The following SBF2 variants were observed in gnomAD, a reference collection of about 807,000 sequenced individuals.
The protein encoded by SBF2 is myotubularin-related protein 13.
In SBF2, 112 loss-of-function variants were observed where a neutral mutation model predicts 225.2. The ratio of observed to expected loss-of-function variants is 0.50; its 90% CI spans 0.43 to 0.58. The LOEUF is 0.58. Among genes scored for constraint, SBF2 ranks in the 20% least tolerant of loss-of-function variants. The pLI is 0.00. For synonymous variants in SBF2, 763 were observed against 773.3 expected, an observed-to-expected ratio of 0.99 and a Z score of 0.22; for missense variants, 1,996 against 2,206.2, an observed-to-expected ratio of 0.90 and a Z score of 1.91.
At chr11:9,975,609 A>G (rs2134412405) in intron 13 of SBF2, among the ~76,000 whole-genome samples, 1 of 152,358 alleles carries the variant, frequency 6.6e-6, no homozygotes, top group Non-Finnish European at 1.5e-5. Context: ...ATTAAAAAGT[A>G]TACATTTTAC....
intron 1 of SBF2, among the ~76,000 whole-genome samples, chr11:10,286,948 T>C (rs374899417): frequency 6.6e-6 from 1 of 152,294 alleles, no homozygotes; most frequent in Admixed American, 6.5e-5. Flanking sequence ...CATTCAAAGA[T>C]CTGTATGCAA....
At chr11:9,898,442 G>A (rs1336266199) in intron 16 of SBF2, among the ~76,000 whole-genome samples, 7 of 152,090 alleles carry the variant, frequency 4.6e-5, no homozygotes, top group Non-Finnish European at 8.8e-5. Flanking sequence ...AGGCAGAGGC[G>A]GGTGGATCAC....
At chr11:10,097,993 C>T (rs183208889) in intron 2 of SBF2, among the ~76,000 whole-genome samples, 43 of 152,168 alleles carry the variant, frequency 2.8e-4, no homozygotes, top group African/African-American at 8.4e-4. Context: ...GGGCACAGAA[C>T]GCAACAAAGC....
intron 1 of SBF2, among the ~76,000 whole-genome samples, chr11:10,279,859 C>T (rs763606000): frequency 6.6e-6 from 1 of 152,102 alleles, no homozygotes; most frequent in African/African-American, 2.4e-5. Context: ...CCATGTTTGT[C>T]AGGCTGGTCT....
chr11:10,196,857 T>C (rs1957378957), intron 1 of SBF2, among the ~76,000 whole-genome samples: 1 of 33,050 alleles, frequency 3.0e-5, no homozygotes, highest in Non-Finnish European at 1.0e-4. Context: ...TATATATATA[T>C]ATATATATAT....
chr11:9,789,636 A>G (rs2133859535), intron 34 of SBF2, among the ~76,000 whole-genome samples: 1 of 152,302 alleles, frequency 6.6e-6, no homozygotes, highest in South Asian at 2.1e-4. Flanking sequence ...GTAGCACTGG[A>G]GGAGCTGGCC....
At chr11:9,920,509 C>T (rs1276865233) in intron 16 of SBF2, among the ~76,000 whole-genome samples, 2 of 152,268 alleles carry the variant, frequency 1.3e-5, no homozygotes, top group African/African-American at 4.8e-5. Context: ...CCTAGTCTGT[C>T]TTTCAGAACA....
intron 1 of SBF2, among the ~76,000 whole-genome samples, chr11:10,194,452 A>T (rs1181944955): frequency 5.9e-5 from 9 of 152,184 alleles, no homozygotes; most frequent in Admixed American, 4.6e-4. Flanking sequence ...AGGGTTCTGG[A>T]ACAAATCCCC....
chr11:10,238,271 T>C (rs1959158776), intron 1 of SBF2, among the ~76,000 whole-genome samples: 1 of 151,728 alleles, frequency 6.6e-6, no homozygotes, highest in Non-Finnish European at 1.5e-5. Flanking sequence ...CAGCTGGGTG[T>C]GGTGGCGCAC....
At chr11:9,927,115 G>A (rs1864115738) in intron 16 of SBF2, among the ~76,000 whole-genome samples, 1 of 152,130 alleles carries the variant, frequency 6.6e-6, no homozygotes, top group African/African-American at 2.4e-5. Context: ...GGATTAACAT[G>A]TTATATCTAT....
intron 3 of SBF2, among the ~76,000 whole-genome samples, chr11:10,032,145 A>G (rs796430976): frequency 2.0e-5 from 3 of 152,336 alleles, no homozygotes; most frequent in African/African-American, 7.2e-5. Context: ...TATATATTTT[A>G]CCACAATAAA....
At chr11:9,955,259 T>A (rs565294594) in intron 16 of SBF2, among the ~76,000 whole-genome samples, 1 of 152,196 alleles carries the variant, frequency 6.6e-6, no homozygotes, top group East Asian at 1.9e-4. Flanking sequence ...CTTATCAGGA[T>A]AATCGTAACA....
chr11:9,943,646 C>G (rs193130476), intron 16 of SBF2, among the ~76,000 whole-genome samples: 1 of 152,044 alleles, frequency 6.6e-6, no homozygotes, highest in Non-Finnish European at 1.5e-5. Context: ...TATTAGTCAT[C>G]AGGGAAATGC....
intron 4 of SBF2, among the ~76,000 whole-genome samples, chr11:10,030,435 AG>A (rs1949212089): frequency 2.0e-5 from 3 of 152,288 alleles, no homozygotes; most frequent in Admixed American, 2.0e-4. Flanking sequence ...ATTTGCTTGG[AG>A]TTACGCATTG....
At chr11:9,787,152 C>G (rs1488356145) in intron 36 of SBF2, among the ~76,000 whole-genome samples, 1 of 152,194 alleles carries the variant, frequency 6.6e-6, no homozygotes, top group African/African-American at 2.4e-5. Context: ...CCTCGGCCTC[C>G]CAAAGTGCTG....
Position 10,108,587 on chromosome 11 carries a change from C to A in SBF2, c.142-65606G>T, listed in dbSNP as rs978825402. ...TCGCCCAGGCTGGAGTGCAGTGGCG[C>A]GATCTCGGCTCACTGCAAGCTCCGC... On this transcript the variant is annotated intron_variant, in intron 2 of 39. Transcript: ENST00000256190. 5.9e-5 allele frequency among the ~76,000 whole-genome samples: 8 copies of A among 136,306 alleles called. No homozygotes were observed. In the Admixed American group the frequency reaches 6.0e-4, roughly 10 times the overall value. The allele number at this position is 136,306 out of a possible 152,430, so 89.4% of individuals were successfully genotyped here.
chr11:10,228,850 T>C (rs1459724361), intron 1 of SBF2, among the ~76,000 whole-genome samples: 6 of 152,132 alleles, frequency 3.9e-5, no homozygotes, highest in African/African-American at 1.2e-4. Context: ...TTAGGGAGGA[T>C]TCCCTCTTTT....
At chr11:9,853,752 A>C in intron 19 of SBF2, 40 bp from the exon 20 acceptor site, 1 of 1,565,866 alleles carries the variant, frequency 6.4e-7, no homozygotes, top group Non-Finnish European at 8.8e-7. Context: ...CAGTACTTAA[A>C]TGCAACAAAT....
At chr11:9,909,551 T>A (rs1343419843) in intron 16 of SBF2, among the ~76,000 whole-genome samples, 1 of 151,534 alleles carries the variant, frequency 6.6e-6, no homozygotes, top group Non-Finnish European at 1.5e-5. Context: ...GCACCTGTAG[T>A]CCCAGCTACT....
Sources: allele counts gnomAD v4.1 joint callset (sites outside exome capture counted in the v4.1 genomes callset), GRCh38; gene constraint gnomAD v4.1.1; transcripts MANE v1.5; gene names NCBI Gene and HGNC (gene_info 2026-07-23, HGNC 2026-07-21).